Variants in IQCH observed in about 807,000 individuals in gnomAD.
The protein encoded by IQCH is IQ motif containing H.
Under a neutral mutation model 117.0 loss-of-function variants are expected in IQCH, and 98 were observed. That is an observed-to-expected ratio of 0.84 (90% CI 0.71 to 0.99). IQCH has a LOEUF of 0.99. IQCH is among the 50% of genes least tolerant of loss of function. The probability of loss-of-function intolerance (pLI) is 0.00; values close to 1 mark genes in which losing one functional copy is unlikely to be tolerated. For synonymous variants in IQCH, 412 were observed against 448.2 expected (o/e 0.92, Z 1.02); for missense variants, 1,102 against 1,243.8 (o/e 0.89, Z 1.72).
In IQCH at chr15:67,388,985, T is replaced by G; in HGVS notation, c.1611T>G (p.Pro537=). The change falls in exon 12 of 21, where the codon CCT becomes CCG. Residue 537 remains proline, a synonymous_variant. Coordinates refer to ENST00000335894, the MANE Select transcript of IQCH (RefSeq NM_001031715.3). This position sits in a 1 kb window ranked among gnomAD's most constrained non-coding sequence, Gnocchi z 5.5. ...AGGACAGGTTCAAAATTATCACACC[T>G]GAAGCTGTAAACATCTTCCCTGTGA... ...DLQDRFKIIT[P]EAVNIFPKHH... 1.2e-6 allele frequency: 2 copies of G among 1,613,648 alleles called. No homozygotes were observed. The highest frequency in any genetic ancestry group is 1.7e-6 in the Non-Finnish European group (2 of 1,179,708).
At chr15:67,348,235 T>C (rs1327154708) in intron 6 of IQCH, among the ~76,000 whole-genome samples, 1 of 152,084 alleles carries the variant, frequency 6.6e-6, no homozygotes, top group African/African-American at 2.4e-5. Context: ...AACATTGTAC[T>C]GAAGTTCCTA....
rs942570311 is a variant in IQCH, at chr15:67,426,791, T to C, written c.2505+5214T>C. 9.3e-5 allele frequency among the ~76,000 whole-genome samples: 14 copies of C among 151,342 alleles called. No homozygotes were observed. The highest frequency in any genetic ancestry group is 3.4e-4 in the African/African-American group (14 of 41,112). On this transcript the variant is annotated intron_variant, in intron 16 of 20. Coordinates refer to ENST00000335894, the MANE Select transcript of IQCH (RefSeq NM_001031715.3). The surrounding 1 kb of genome is among the most constrained non-coding windows in gnomAD (Gnocchi z 5.1). ...GAGTTCAATACCAGCCTGGGCAACA[T>C]AGAAAGGTCCAGTCTCTACCAAAAA...
At chr15:67,470,814 C>G (rs1250505743) in intron 17 of IQCH, among the ~76,000 whole-genome samples, 1 of 152,180 alleles carries the variant, frequency 6.6e-6, no homozygotes, top group Non-Finnish European at 1.5e-5. Flanking sequence ...CCACCTCATC[C>G]TACAAAGGTA....
rs890135028 is a variant in IQCH at position 67,322,689 on chromosome 15, C to G, written c.388-14286C>G. Among the ~76,000 whole-genome samples, 8 of 152,178 alleles carry G rather than the reference C, an allele frequency of 5.3e-5. No individual in the cohort carries two copies. In the Middle Eastern group the frequency reaches 0.01, roughly 194 times the overall value. On this transcript the variant is annotated intron_variant, in intron 4 of 20. Transcript: ENST00000335894. ...TGTTCCTGAGCTCTTGTCCTGCGTCCAAGAAGAATGAGATCATGCTAACAA... is the reference window on the plus strand; with the variant it reads ...TGTTCCTGAGCTCTTGTCCTGCGTCGAAGAAGAATGAGATCATGCTAACAA...
chr15:67,383,276 G>A (rs1400274186), intron 10 of IQCH, among the ~76,000 whole-genome samples: 1 of 152,134 alleles, frequency 6.6e-6, no homozygotes, highest in African/African-American at 2.4e-5. Flanking sequence ...TTTAAAATGG[G>A]TGTATTCTAT....
At chr15:67,460,983 T>C (rs1045567626) in intron 16 of IQCH, among the ~76,000 whole-genome samples, 2 of 152,194 alleles carry the variant, frequency 1.3e-5, no homozygotes, top group Admixed American at 6.5e-5. Context: ...CTCATAGTAC[T>C]TTGTTCAGGC....
chr15:67,295,149 GATGATCTCTCTTCATACTCGCTGA>G (rs1230533491), intron 4 of IQCH, among the ~76,000 whole-genome samples: 1 of 152,038 alleles, frequency 6.6e-6, no homozygotes, highest in Non-Finnish European at 1.5e-5. Flanking sequence ...ACTTTCAGCT[GATGATCTCTCTTCATACTCGCTGA>G]AAAAAATAAA....
intron 4 of IQCH, among the ~76,000 whole-genome samples, chr15:67,317,704 T>C (rs1967915208): frequency 6.6e-6 from 1 of 152,182 alleles, no homozygotes; most frequent in Non-Finnish European, 1.5e-5. Flanking sequence ...TCTTCTAGGG[T>C]ACCTTACAAA....
At chr15:67,287,496 AGTAGGGT>A (rs1966606667) in intron 4 of IQCH, among the ~76,000 whole-genome samples, 1 of 152,138 alleles carries the variant, frequency 6.6e-6, no homozygotes, top group Non-Finnish European at 1.5e-5. Flanking sequence ...GTTTAGACAT[AGTAGGGT>A]GTATATGTCT....
intron 6 of IQCH, among the ~76,000 whole-genome samples, chr15:67,350,947 G>C (rs1417835646): frequency 1.3e-5 from 2 of 152,186 alleles, no homozygotes; most frequent in African/African-American, 4.8e-5. Flanking sequence ...ATTCTAAGGA[G>C]ATGGCCTGTA....
chr15:67,451,060 G>T (rs1001781409), intron 16 of IQCH, among the ~76,000 whole-genome samples: 1 of 152,008 alleles, frequency 6.6e-6, no homozygotes, highest in African/African-American at 2.4e-5. Context: ...CTGTGGGATC[G>T]GTGGTGATAT....
chr15:67,410,333 C>G (rs1314280961), intron 14 of IQCH, among the ~76,000 whole-genome samples: 3 of 152,252 alleles, frequency 2.0e-5, no homozygotes, highest in Non-Finnish European at 4.4e-5. Context: ...GGTCTGGCTT[C>G]AGACAAGGCT....
chr15:67,437,095 A>T (rs543380026), intron 16 of IQCH, among the ~76,000 whole-genome samples: 1 of 152,326 alleles, frequency 6.6e-6, no homozygotes, highest in African/African-American at 2.4e-5. Context: ...GCGGCCAACC[A>T]GCACAAAAAT....
rs779001610 is a variant in IQCH at position 67,454,765 on chromosome 15, A to G, written c.2506-10362A>G. On this transcript the variant is annotated intron_variant, in intron 16 of 20. Coordinates refer to ENST00000335894, the MANE Select transcript of IQCH (RefSeq NM_001031715.3). The surrounding 1 kb of genome is among the most constrained non-coding windows in gnomAD (Gnocchi z 5.2). ...CCTTTTCATGGCTTAATAATATCCC[A>G]TTGTACGGCTATACCACATTTTGTT... is the stretch of plus-strand genomic sequence containing the variant. 1.2e-4 allele frequency among the ~76,000 whole-genome samples: 18 copies of G among 152,186 alleles called. No individual in the cohort carries two copies. The highest frequency in any genetic ancestry group is 2.5e-4 in the Non-Finnish European group (17 of 68,030).
At chr15:67,382,986 A>G (rs963922060) in intron 10 of IQCH, among the ~76,000 whole-genome samples, 3 of 152,228 alleles carry the variant, frequency 2.0e-5, no homozygotes, top group Non-Finnish European at 4.4e-5. Context: ...TTATGGATGT[A>G]TAAAACAAAA....
In IQCH at chr15:67,409,323, G is replaced by A. The variant is rs552830839; in HGVS notation, c.2098-7608G>A. Reference sequence around the variant, plus strand: ...TCTATTGAAACCCCCAGCATGCAGCGCGCACAGGGTGAGCCTAGAAAGAAA... The same window carrying A: ...TCTATTGAAACCCCCAGCATGCAGCACGCACAGGGTGAGCCTAGAAAGAAA... On this transcript the variant is annotated intron_variant, in intron 14 of 20. Coordinates refer to ENST00000335894, the MANE Select transcript of IQCH (RefSeq NM_001031715.3). 3.7e-4 allele frequency among the ~76,000 whole-genome samples: 56 copies of A among 152,286 alleles called. 1 individual carries two copies. The highest frequency in any genetic ancestry group is 2.1e-4 in the South Asian group (1 of 4,826).
chr15:67,277,499 A>T (rs1336868010), intron 3 of IQCH, among the ~76,000 whole-genome samples: 5 of 150,316 alleles, frequency 3.3e-5, no homozygotes, highest in African/African-American at 1.2e-4. Flanking sequence ...GTTTGCTATT[A>T]ATGTTGGCAT....
intron 4 of IQCH, among the ~76,000 whole-genome samples, chr15:67,316,938 T>C: frequency 6.6e-6 from 1 of 152,156 alleles, no homozygotes; most frequent in East Asian, 1.9e-4. Context: ...AGGAATTCAA[T>C]GAGGAAATTT....
In IQCH at chr15:67,387,249, T is replaced by G. The variant is rs1971136234; in HGVS notation, c.1457-1582T>G. Among the ~76,000 whole-genome samples, 1 of 152,154 alleles carries G rather than the reference T, an allele frequency of 6.6e-6. No individual in the cohort carries two copies. The highest frequency in any genetic ancestry group is 2.4e-5 in the African/African-American group (1 of 41,434). ...TGGGAGCCACTTAAATATTCACATG[T>G]ATGGAGCACCTGCTCTGGGCCTAGC... On this transcript the variant is annotated intron_variant, in intron 11 of 20. Transcript: ENST00000335894. The surrounding 1 kb of genome is among the most constrained non-coding windows in gnomAD (Gnocchi z 4.8).
Sources: allele counts gnomAD v4.1 joint callset (sites outside exome capture counted in the v4.1 genomes callset), GRCh38; gene constraint gnomAD v4.1.1; non-coding constraint Gnocchi (gnomAD v3.1); transcripts MANE v1.5; gene names NCBI Gene and HGNC (gene_info 2026-07-23, HGNC 2026-07-21).